XPNPEP2: variants seen among roughly 807,000 people sequenced by gnomAD.
XPNPEP2 encodes the protein X-prolyl aminopeptidase 2.
In XPNPEP2, 64 loss-of-function variants were observed where a neutral mutation model predicts 59.8. The ratio of observed to expected loss-of-function variants is 1.07; its 90% CI spans 0.87 to 1.32. The LOEUF is 1.32. Among genes scored for constraint, XPNPEP2 ranks in the 40% most tolerant of loss-of-function variants. XPNPEP2 has a pLI of 0.00. For synonymous variants in XPNPEP2, 235 were observed against 210.0 expected, an observed-to-expected ratio of 1.12 and a Z score of -1.03; for missense variants, 575 against 546.8, an observed-to-expected ratio of 1.05 and a Z score of -0.51.
rs1682477937 is a variant in XPNPEP2 at position 129,745,372 on chromosome X, T to C, written c.298+106T>C. 5.3e-6 allele frequency: 5 copies of C among 941,662 alleles called. No individual in the cohort carries two copies. In the South Asian group the frequency reaches 6.3e-5, roughly 12 times the overall value. The allele number at this position is 941,662 out of a possible 1,213,427, so 77.6% of individuals were successfully genotyped here. On this transcript the variant is annotated intron_variant, in intron 4 of 20. Transcript: ENST00000371106. ...CAGCATCTGGGACCCCAGAACCTAC[T>C]GTAGAGAAAACCCTTCTACTCTCTC...
chrX:129,747,876 A>C (rs1269463994), intron 7 of XPNPEP2, 123 bp downstream of exon 7: 1 of 982,577 alleles, frequency 1.0e-6, no homozygotes, highest in Admixed American at 2.3e-5. Flanking sequence ...CTTAGCATGC[A>C]CCTGAGTCAC....
rs144700045 is a variant in XPNPEP2 at position 129,767,495 on chromosome X, G to C, written c.1741-108G>C. 2,725 of 798,176 alleles carry C rather than the reference G, an allele frequency of 3.4e-3. 10 individuals carry two copies. The highest frequency in any genetic ancestry group is 8.6e-3 in the South Asian group (391 of 45,718). 65.8% of individuals were successfully genotyped at this position (798,176 alleles called of 1,213,427 possible). A position where few individuals can be genotyped will look rare whatever the true frequency, so the allele number is the denominator to read the frequency against. On this transcript the variant is annotated intron_variant, in intron 19 of 20. Coordinates refer to ENST00000371106, the MANE Select transcript of XPNPEP2 (RefSeq NM_003399.6). ...AGCCAGGGTGTCCAGGGTTGATGAG[G>C]CCCAGCTCCTTGTGTCCTCCGGGTG...
At chrX:129,751,309 A>T (rs768706406) in intron 8 of XPNPEP2, among the ~76,000 whole-genome samples, 75 of 108,554 alleles carry the variant, frequency 6.9e-4, no homozygotes, top group African/African-American at 2.1e-3. Context: ...GGAGTTCAAG[A>T]CCAGCCTGAC....
chrX:129,768,596 G>A lies in XPNPEP2; in HGVS notation c.*111G>A. The A allele has an allele frequency of 1.4e-6, 1 of 703,873 alleles. No homozygotes were observed. Among genetic ancestry groups the A allele is most frequent in the South Asian group, 4.5e-5 (1 of 22,071 alleles). 58.0% of individuals were successfully genotyped at this position (703,873 alleles called of 1,213,427 possible). ...AGAGCCCCTGCTGGCCCATTGCCTA[G>A]AAACCTTTGCATTCATCCTCCTTCT... is the stretch of plus-strand genomic sequence containing the variant. On this transcript the variant is annotated 3_prime_UTR_variant, in exon 21 of 21. Transcript: ENST00000371106.
chrX:129,753,010 G>A, intron 10 of XPNPEP2, 149 bp from the exon 11 acceptor site: 1 of 497,466 alleles, frequency 2.0e-6, no homozygotes, highest in Non-Finnish European at 3.6e-6. Flanking sequence ...ACAGAGTAGA[G>A]AGCATTGCCA....
intron 12 of XPNPEP2, among the ~76,000 whole-genome samples, chrX:129,754,790 G>A (rs930602924): frequency 5.4e-5 from 6 of 111,096 alleles, no homozygotes; most frequent in African/African-American, 1.6e-4. Flanking sequence ...TTCCCGCCCC[G>A]CTGAAAGCAG....
chrX:129,756,888 A>G lies in XPNPEP2; in HGVS notation c.1367+333A>G, dbSNP rs763106475. ...ACTCTGTCGCCCAGGTTTGGAGTGC[A>G]GTGGCGCGATCTTGGCTCACTGCAA... On this transcript the variant is annotated intron_variant, in intron 14 of 20. Coordinates refer to ENST00000371106, the MANE Select transcript of XPNPEP2 (RefSeq NM_003399.6). Among the ~76,000 whole-genome samples the G allele has an allele frequency of 3.8e-3, 406 of 105,477 alleles. 2 individuals carry two copies. The highest frequency in any genetic ancestry group is 0.014 in the Middle Eastern group (3 of 209). The allele number at this position is 105,477 out of a possible 115,157, so 91.6% of individuals were successfully genotyped here.
At chrX:129,752,436 C>A in intron 10 of XPNPEP2, 91 bp downstream of exon 10, 1 of 980,675 alleles carries the variant, frequency 1.0e-6, no homozygotes, top group Non-Finnish European at 1.4e-6. Context: ...AGCCCCTCAG[C>A]CATTCAGTCA....
Position 129,756,566 on chromosome X carries a change from C to T in XPNPEP2, c.1367+11C>T, listed in dbSNP as rs750141609. ...TGGGGGGCAGTACTGGTATGTACCC[C>T]GACCTCACCCTAGCCTGGATGTCTC... On this transcript the variant is annotated intron_variant, in intron 14 of 20. Transcript: ENST00000371106. The T allele has an allele frequency of 6.6e-6, 8 of 1,206,986 alleles. No homozygotes were observed. The highest frequency in any genetic ancestry group is 9.0e-6 in the Non-Finnish European group (8 of 891,382).
At chrX:129,756,372 T>A in intron 13 of XPNPEP2, 112 bp from the exon 14 acceptor site, 1 of 746,508 alleles carries the variant, frequency 1.3e-6, no homozygotes, top group Non-Finnish European at 2.1e-6. Flanking sequence ...AATGACTTCC[T>A]CCAGAGGGAC....
In XPNPEP2 at chrX:129,757,858, A is replaced by G. The variant is rs769611740; in HGVS notation, c.1367+1303A>G. Among the ~76,000 whole-genome samples, 143 of 74,726 alleles carry G rather than the reference A, an allele frequency of 1.9e-3. 1 individual carries two copies. The highest frequency in any genetic ancestry group is 7.2e-3 in the African/African-American group (108 of 14,988). 64.9% of individuals were successfully genotyped at this position (74,726 alleles called of 115,157 possible). On this transcript the variant is annotated intron_variant, in intron 14 of 20. Transcript: ENST00000371106. ...AAGAAAGAAAGAAAGAAAGAAAGAA[A>G]GAGGGAGAGAGAGAAAGAGAGAGAG...
chrX:129,756,758 G>A (rs991273848), intron 14 of XPNPEP2, among the ~76,000 whole-genome samples: 2 of 110,258 alleles, frequency 1.8e-5, no homozygotes, highest in African/African-American at 6.6e-5. Context: ...CTGGAATAGT[G>A]GCAGGACCCA....
intron 8 of XPNPEP2, among the ~76,000 whole-genome samples, 150 bp from the exon 9 acceptor site, chrX:129,751,570 GAAAGAAAGAAAGAAAGAAAGAAAGA>G (rs1569476547): frequency 1.2e-4 from 8 of 68,887 alleles, no homozygotes; most frequent in African/African-American, 4.7e-4. Context: ...AAGAAAGAAA[GAAAGAAAGAAAGAAAGAAAGAAAGA>G]AAGGAAGGAA....
chrX:129,756,428 C>A lies in XPNPEP2; in HGVS notation c.1296-56C>A, dbSNP rs1415849440. ...CAGAGGTCCTCCCACCAAGGCCTCCCACGTGACCCAGTGCAGGGTTAGGCT... is the reference window on the plus strand; with the variant it reads ...CAGAGGTCCTCCCACCAAGGCCTCCAACGTGACCCAGTGCAGGGTTAGGCT... On this transcript the variant is annotated intron_variant, in intron 13 of 20. Coordinates refer to ENST00000371106, the MANE Select transcript of XPNPEP2 (RefSeq NM_003399.6). 6.9e-6 allele frequency: 8 copies of A among 1,160,043 alleles called. No individual in the cohort carries two copies. In the Admixed American group the frequency reaches 1.7e-4, roughly 25 times the overall value.
chrX:129,742,217 G>A, intron 2 of XPNPEP2, 36 bp downstream of exon 2: 2 of 825,038 alleles, frequency 2.4e-6, no homozygotes, highest in Non-Finnish European at 3.2e-6. Context: ...CGGCCCCCCT[G>A]GCCCCACGCA....
At chrX:129,745,338 C>T in intron 4 of XPNPEP2, 72 bp downstream of exon 4, 1 of 1,138,904 alleles carries the variant, frequency 8.8e-7, no homozygotes, top group Non-Finnish European at 1.2e-6. Flanking sequence ...CCTAATGTGG[C>T]TAGTGTCTCA....
Position 129,739,250 on chromosome X carries a change from G to A in XPNPEP2, c.37G>A (p.Val13Ile), listed in dbSNP as rs1376716170. 2 of 1,207,535 alleles carry A rather than the reference G, an allele frequency of 1.7e-6. No individual in the cohort carries two copies. The highest frequency in any genetic ancestry group is 3.0e-5 in the East Asian group (1 of 33,730). Residue 13 changes from valine (V) to isoleucine (I), a missense_variant, in exon 1 of 21, where the codon GTC (valine) becomes ATC (isoleucine). Val to Ile is a conservative substitution (Grantham distance 29). Transcript: ENST00000371106. ...RAHWGCCPWL[V>I]LLCACAWGHT... Reference sequence around the variant, plus strand: ...TCACTGGGGCTGCTGCCCCTGGCTGGTCCTCCTCTGTGGTATGTGCATCCT... The same window carrying A: ...TCACTGGGGCTGCTGCCCCTGGCTGATCCTCCTCTGTGGTATGTGCATCCT...
chrX:129,750,721 G>A (rs1464300920), intron 8 of XPNPEP2, 152 bp downstream of exon 8: 1 of 478,216 alleles, frequency 2.1e-6, no homozygotes, highest in Non-Finnish European at 3.3e-6. Flanking sequence ...TGGGAACCAA[G>A]AAGGGTAAGG....
intron 17 of XPNPEP2, 67 bp from the exon 18 acceptor site, chrX:129,761,939 G>C: frequency 1.8e-6 from 2 of 1,104,773 alleles, no homozygotes; most frequent in South Asian, 3.7e-5. Flanking sequence ...CTCTTCCTCG[G>C]AAGCTGCTCA....
Sources: gnomAD v4.1 joint callset for allele counts (sites outside exome capture counted in the v4.1 genomes callset) on GRCh38, gnomAD v4.1.1 for gene constraint, MANE v1.5 for transcripts, NCBI Gene and HGNC (gene_info 2026-07-23, HGNC 2026-07-21) for gene names.